The following UBE2O variants were observed in gnomAD, a reference collection of about 807,000 sequenced individuals.
UBE2O encodes (E3-independent) E2 ubiquitin-conjugating enzyme.
In UBE2O, 15 loss-of-function variants were observed where a neutral mutation model predicts 125.8. The ratio of observed to expected loss-of-function variants is 0.12; its 90% CI spans 0.08 to 0.18. UBE2O has a LOEUF of 0.18. Among genes scored for constraint, UBE2O ranks in the 10% least tolerant of loss-of-function variants. UBE2O has a pLI of 1.00. For missense variants in UBE2O, 1,280 were observed against 1,723.6 expected (o/e 0.74, Z 4.56); for synonymous variants, 708 against 703.2 (o/e 1.01, Z -0.11).
intron 1 of UBE2O, among the ~76,000 whole-genome samples, chr17:76,415,924 C>T (rs2072597773): frequency 7.6e-6 from 1 of 132,090 alleles, no homozygotes. Flanking sequence ...CATGCACATA[C>T]ACGTATATAC....
intron 1 of UBE2O, among the ~76,000 whole-genome samples, chr17:76,426,149 C>T (rs1361269464): frequency 6.6e-6 from 1 of 152,134 alleles, no homozygotes; most frequent in African/African-American, 2.4e-5. Flanking sequence ...ACTACAGATG[C>T]ACAACACCAC....
chr17:76,412,595 G>A (rs1487951225), intron 1 of UBE2O, among the ~76,000 whole-genome samples: 1 of 152,194 alleles, frequency 6.6e-6, no homozygotes, highest in African/African-American at 2.4e-5. Flanking sequence ...GGTTGTCCCT[G>A]AGCTTGAAGG....
At chr17:76,446,383 G>T (rs1244316032) in intron 1 of UBE2O, among the ~76,000 whole-genome samples, 1 of 152,090 alleles carries the variant, frequency 6.6e-6, no homozygotes, top group Non-Finnish European at 1.5e-5. Context: ...GATTCCATGA[G>T]CCCCCATGGT....
At position 76,452,027 on chromosome 17, in the gene UBE2O, G is replaced by C. The variant is rs1238715214; in HGVS notation, c.417+698C>G. ...TGACTCCCCTCTACCCAGGGTTCTG[G>C]ATTATTTTTTTCAAGGAGTCCATAT... is the stretch of plus-strand genomic sequence containing the variant. On this transcript the variant is annotated intron_variant, in intron 1 of 17. Coordinates refer to ENST00000319380, the MANE Select transcript of UBE2O (RefSeq NM_022066.4). The surrounding 1 kb of genome is among the most constrained non-coding windows in gnomAD (Gnocchi z 4.4). Among the ~76,000 whole-genome samples the C allele has an allele frequency of 3.3e-5, 5 of 151,980 alleles. No individual in the cohort carries two copies. The South Asian group carries it at 6.2e-4, about 19-fold the overall frequency.
intron 1 of UBE2O, among the ~76,000 whole-genome samples, chr17:76,407,814 G>A (rs979389820): frequency 1.3e-5 from 2 of 152,210 alleles, no homozygotes; most frequent in East Asian, 1.9e-4. Context: ...CATTCTTCCC[G>A]TGGGGTCTCC....
intron 1 of UBE2O, among the ~76,000 whole-genome samples, chr17:76,421,996 T>C (rs1392027495): frequency 6.6e-6 from 1 of 151,964 alleles, no homozygotes; most frequent in East Asian, 1.9e-4. Context: ...TGGAGGAAAA[T>C]GGGAAGATGG....
chr17:76,406,886 G>C (rs369336849), intron 1 of UBE2O, among the ~76,000 whole-genome samples: 8 of 152,124 alleles, frequency 5.3e-5, no homozygotes, highest in African/African-American at 1.9e-4. Context: ...TTTTAGTAGA[G>C]ATGGGGCTTC....
chr17:76,400,125 A>G lies in UBE2O; in HGVS notation c.1155+22T>C. The G allele has an allele frequency of 6.2e-7, 1 of 1,605,450 alleles. No individual in the cohort carries two copies. Among genetic ancestry groups the G allele is most frequent in the Non-Finnish European group, 8.5e-7 (1 of 1,174,618 alleles). On this transcript the variant is annotated intron_variant, in intron 8 of 17. Transcript: ENST00000319380. The surrounding 1 kb of genome is among the most constrained non-coding windows in gnomAD (Gnocchi z 4.3). ...AGGCCAGTTCCTCAAATGCCCACCA[A>G]TCCCCAACCCCAAGGACATACCTTC...
chr17:76,422,593 G>A (rs1355032206), intron 1 of UBE2O, among the ~76,000 whole-genome samples: 4 of 152,212 alleles, frequency 2.6e-5, no homozygotes, highest in African/African-American at 7.2e-5. Flanking sequence ...CAATGAAGCC[G>A]AGGCACGCCA....
chr17:76,411,352 C>T (rs773453948), intron 1 of UBE2O, among the ~76,000 whole-genome samples: 2 of 152,284 alleles, frequency 1.3e-5, no homozygotes, highest in African/African-American at 2.4e-5. Context: ...CCTGTAGGAG[C>T]GGATGGCTCC....
rs767365100 is a variant in UBE2O, at chr17:76,400,584, C to T, written c.895-34G>A. 6.9e-6 allele frequency: 10 copies of T among 1,458,514 alleles called. No individual in the cohort carries two copies. In the East Asian group the frequency reaches 1.8e-4, roughly 27 times the overall value. The allele number at this position is 1,458,514 out of a possible 1,614,324, so 90.3% of individuals were successfully genotyped here. A position where few individuals can be genotyped will look rare whatever the true frequency, so the allele number is the denominator to read the frequency against. On this transcript the variant is annotated intron_variant, in intron 6 of 17. Transcript: ENST00000319380. The surrounding 1 kb of genome is among the most constrained non-coding windows in gnomAD (Gnocchi z 4.3). Reference sequence around the variant, plus strand: ...GGCAGGTGGGACACGCCAGTCAGGGCAGGCTCTGACAGCACTCTCTTTAGC... The same window carrying T: ...GGCAGGTGGGACACGCCAGTCAGGGTAGGCTCTGACAGCACTCTCTTTAGC...
rs1217998511 is a variant in UBE2O, at chr17:76,396,891, T to TG, written c.2116-71dup. On this transcript the variant is annotated intron_variant, in intron 13 of 17. Coordinates refer to ENST00000319380, the MANE Select transcript of UBE2O (RefSeq NM_022066.4). The surrounding 1 kb of genome is among the most constrained non-coding windows in gnomAD (Gnocchi z 6.7). Reference sequence around the variant, plus strand: ...CCTCCCCACCACTAAGGAGGAGCTCTGGGGATCCCTGATCCGCACAGCTGA... The same window carrying TG: ...CCTCCCCACCACTAAGGAGGAGCTCTGGGGGATCCCTGATCCGCACAGCTGA... The TG allele has an allele frequency of 2.9e-6, 4 of 1,367,760 alleles. No individual in the cohort carries two copies. The Admixed American group carries it at 6.5e-5, about 22-fold the overall frequency. The allele number at this position is 1,367,760 out of a possible 1,614,324, so 84.7% of individuals were successfully genotyped here.
At chr17:76,418,664 G>A (rs1466280571) in intron 1 of UBE2O, among the ~76,000 whole-genome samples, 1 of 151,856 alleles carries the variant, frequency 6.6e-6, no homozygotes. Flanking sequence ...CCACCTCCTG[G>A]GTTCACGCCA....
chr17:76,420,075 C>T (rs532626675), intron 1 of UBE2O, among the ~76,000 whole-genome samples: 1 of 152,298 alleles, frequency 6.6e-6, no homozygotes, highest in East Asian at 1.9e-4. Context: ...CGGAGCCTCA[C>T]CCCTACCCAG....
chr17:76,392,789 C>T (rs1567829072), intron 15 of UBE2O, among the ~76,000 whole-genome samples: 1 of 151,898 alleles, frequency 6.6e-6, no homozygotes, highest in South Asian at 2.1e-4. Context: ...CCCGTCTCTA[C>T]TAAAAATACA....
chr17:76,448,022 A>G (rs1276469324), intron 1 of UBE2O, among the ~76,000 whole-genome samples: 1 of 152,190 alleles, frequency 6.6e-6, no homozygotes, highest in Non-Finnish European at 1.5e-5. Flanking sequence ...GGAGAAAATG[A>G]GGCAGTGACT....
chr17:76,418,718 C>T (rs972401521), intron 1 of UBE2O, among the ~76,000 whole-genome samples: 1 of 151,960 alleles, frequency 6.6e-6, no homozygotes, highest in Admixed American at 6.6e-5. Flanking sequence ...TACAGGCACC[C>T]GCCACCACGC....
intron 1 of UBE2O, among the ~76,000 whole-genome samples, chr17:76,438,425 A>G (rs2073031793): frequency 6.6e-6 from 1 of 152,012 alleles, no homozygotes; most frequent in Non-Finnish European, 1.5e-5. Context: ...TGGCACACTA[A>G]TGTCCCTACT....
At position 76,397,793 on chromosome 17, in the gene UBE2O, C is replaced by G. The variant is rs1366027210; in HGVS notation, c.2115+6G>C. On this transcript the variant is annotated splice_donor_region_variant and intron_variant, in intron 13 of 17. Coordinates refer to ENST00000319380, the MANE Select transcript of UBE2O (RefSeq NM_022066.4). ...GCTCAGCAGGGGGGTCTTGCCAGAG[C>G]CTCACCTGGGGCAGGATGATGGTCT... The G allele has an allele frequency of 6.2e-7, 1 of 1,614,136 alleles. No homozygotes were observed. The highest frequency in any genetic ancestry group is 1.1e-5 in the South Asian group (1 of 91,090).
Sources: gnomAD v4.1 joint callset for allele counts (sites outside exome capture counted in the v4.1 genomes callset) on GRCh38, gnomAD v4.1.1 for gene constraint, Gnocchi (gnomAD v3.1) non-coding constraint, MANE v1.5 for transcripts, NCBI Gene and HGNC (gene_info 2026-07-23, HGNC 2026-07-21) for gene names.